Variants in LMF1 observed in about 807,000 individuals in gnomAD.
LMF1 encodes transmembrane protein 112.
A neutral mutation model predicts 60.6 loss-of-function variants in LMF1; 68 were observed. That is an observed-to-expected ratio of 1.12 (90% CI 0.92 to 1.37). The LOEUF is 1.37. Ranked by LOEUF, LMF1 falls within the 40% of genes most tolerant of loss-of-function variation. LMF1 has a pLI of 0.00. For missense variants in LMF1, 948 were observed against 767.2 expected, an observed-to-expected ratio of 1.24 and a Z score of -2.78; for synonymous variants, 418 against 324.7, an observed-to-expected ratio of 1.29 and a Z score of -3.09.
chr16:894,309 C>G (rs4984710), intron 4 of LMF1, among the ~76,000 whole-genome samples: 3 of 39,888 alleles, frequency 7.5e-5, no homozygotes, highest in African/African-American at 1.2e-4. Context: ...CCCCTGTCCA[C>G]CGGATCGTCC....
In LMF1 at chr16:874,637, GC is replaced by G. The variant is rs1388984114; in HGVS notation, c.898-3297del. Among the ~76,000 whole-genome samples, 3 of 152,142 alleles carry G rather than the reference GC, an allele frequency of 2.0e-5. No individual in the cohort carries two copies. Among genetic ancestry groups the G allele is most frequent in the African/African-American group, 7.2e-5 (3 of 41,430 alleles). On this transcript the variant is annotated intron_variant, in intron 6 of 10. Transcript: ENST00000262301. This position sits in a 1 kb window ranked among gnomAD's most constrained non-coding sequence, Gnocchi z 4.1. ...TGGGAGGAGGGAGGCTGCTCATGCC[GC>G]AACTCCCCAACGGAAGGATCACGGG... is the stretch of plus-strand genomic sequence containing the variant.
At chr16:882,768 C>T (rs181771033) in intron 5 of LMF1, among the ~76,000 whole-genome samples, 112 of 147,412 alleles carry the variant, frequency 7.6e-4, no homozygotes, top group African/African-American at 2.7e-3. Context: ...GAGGAGCTGC[C>T]CAGCGGGGCC....
In LMF1 at chr16:962,562, T is replaced by C. The variant is rs916789875; in HGVS notation, c.194-7896A>G. ...TGTGACGGGAAGGGCCCCGCACCTC[T>C]GTGGGCGTCTTCCCAAAACCCATCA... On this transcript the variant is annotated intron_variant, in intron 1 of 10. Coordinates refer to ENST00000262301, the MANE Select transcript of LMF1 (RefSeq NM_022773.4). The surrounding 1 kb of genome is among the most constrained non-coding windows in gnomAD (Gnocchi z 4.5). Among the ~76,000 whole-genome samples the C allele has an allele frequency of 2.0e-5, 3 of 152,184 alleles. No homozygotes were observed. Among genetic ancestry groups the C allele is most frequent in the Non-Finnish European group, 4.4e-5 (3 of 68,034 alleles).
At chr16:925,607 T>C in intron 3 of LMF1, among the ~76,000 whole-genome samples, 1 of 152,150 alleles carries the variant, frequency 6.6e-6, no homozygotes, top group Non-Finnish European at 1.5e-5. Context: ...TGGTGGTTCA[T>C]GCCTGTGGTC....
At chr16:869,756 G>A (rs903066683) in intron 9 of LMF1, 127 bp downstream of exon 9, 10 of 996,414 alleles carry the variant, frequency 1.0e-5, no homozygotes, top group Middle Eastern at 3.0e-4. Context: ...GCTCAGGCAG[G>A]ATCCCATCTC....
chr16:897,409 C>T lies in LMF1; in HGVS notation c.664-4337G>A, dbSNP rs922933173. On this transcript the variant is annotated intron_variant, in intron 4 of 10. Transcript: ENST00000262301. This position sits in a 1 kb window ranked among gnomAD's most constrained non-coding sequence, Gnocchi z 4.3. ...GCTAACGTGGTGTTTGAGGAGGGGG[C>T]GCCGCCAGGCCTCCCTCCGAGCCAC... Among the ~76,000 whole-genome samples, 89 of 152,252 alleles carry T rather than the reference C, an allele frequency of 5.8e-4. No homozygotes were observed. Among genetic ancestry groups the T allele is most frequent in the East Asian group, 1.9e-4 (1 of 5,178 alleles).
chr16:891,127 T>A (rs1027914082), intron 5 of LMF1, among the ~76,000 whole-genome samples: 2 of 152,222 alleles, frequency 1.3e-5, no homozygotes, highest in Non-Finnish European at 2.9e-5. Context: ...GCTGGCCACG[T>A]GGACACAGGG....
Position 879,738 on chromosome 16 carries a change from C to G in LMF1, c.730-1G>C. 1 of 1,579,856 alleles carries G rather than the reference C, an allele frequency of 6.3e-7. No individual in the cohort carries two copies. The highest frequency in any genetic ancestry group is 8.6e-7 in the Non-Finnish European group (1 of 1,163,414). On this transcript the variant is annotated splice_acceptor_variant, in intron 5 of 10. Coordinates refer to ENST00000262301, the MANE Select transcript of LMF1 (RefSeq NM_022773.4). LOFTEE classifies it high-confidence loss of function. Reference sequence around the variant, plus strand: ...CCACAGGATTGGGCATCGGCTGGGTCTGCAGGGACAGGAGGGGCCGTGAGG... The same window carrying G: ...CCACAGGATTGGGCATCGGCTGGGTGTGCAGGGACAGGAGGGGCCGTGAGG...
At chr16:913,336 C>T (rs1447600251) in intron 3 of LMF1, among the ~76,000 whole-genome samples, 5 of 152,362 alleles carry the variant, frequency 3.3e-5, no homozygotes, top group Non-Finnish European at 7.4e-5. Flanking sequence ...TTCACTTCCA[C>T]GGCCGCTGCT....
chr16:894,745 T>A (rs1393824767), intron 4 of LMF1, among the ~76,000 whole-genome samples: 1 of 152,118 alleles, frequency 6.6e-6, no homozygotes, highest in African/African-American at 2.4e-5. Context: ...GGGAAGAGGG[T>A]GAGGGTCTCT....
chr16:941,896 A>G (rs930877646), intron 2 of LMF1, among the ~76,000 whole-genome samples: 1 of 152,228 alleles, frequency 6.6e-6, no homozygotes, highest in African/African-American at 2.4e-5. Context: ...ATATTACAGT[A>G]TTACAGTTTT....
chr16:973,876 G>C (rs1444794480), upstream of LMF1, among the ~76,000 whole-genome samples: 1 of 152,140 alleles, frequency 6.6e-6, no homozygotes, highest in Non-Finnish European at 1.5e-5. Flanking sequence ...CGGGCATGGT[G>C]GCGGGCGCCT....
chr16:933,616 A>T (rs1235134044), intron 3 of LMF1: 1 of 189,132 alleles, frequency 5.3e-6, no homozygotes, highest in African/African-American at 2.7e-5. Flanking sequence ...GGTCATGGAG[A>T]AAGGCAGGGG....
chr16:972,479 C>T (rs536501781), upstream of LMF1, among the ~76,000 whole-genome samples: 6 of 152,324 alleles, frequency 3.9e-5, no homozygotes, highest in South Asian at 8.3e-4. Flanking sequence ...TCCTCGTGAC[C>T]TGGGGGCCAG....
In LMF1 at chr16:871,152, G is replaced by A. The variant is rs1474459866; in HGVS notation, c.1078+9C>T. On this transcript the variant is annotated intron_variant, in intron 7 of 10. Coordinates refer to ENST00000262301, the MANE Select transcript of LMF1 (RefSeq NM_022773.4). Reference sequence around the variant, plus strand: ...CCCTTGGGCAGGGGCCCCCAGCTGAGCCACCTACCGAATCTGGGCTCGGGC... The same window carrying A: ...CCCTTGGGCAGGGGCCCCCAGCTGAACCACCTACCGAATCTGGGCTCGGGC... 1.3e-6 allele frequency: 2 copies of A among 1,572,322 alleles called. No homozygotes were observed.
rs559653152 is a variant in LMF1, at chr16:878,736, G to C, written c.897+834C>G. On this transcript the variant is annotated intron_variant, in intron 6 of 10. Transcript: ENST00000262301. The surrounding 1 kb of genome is among the most constrained non-coding windows in gnomAD (Gnocchi z 5.2). The stretch of plus-strand genomic sequence containing the variant: ...TGCTCTGGCAGGGGTGGGCAGGGCA[G>C]GGGAAGGGCGGGGGCAGGGGCGGGC... Among the ~76,000 whole-genome samples, 4 of 150,526 alleles carry C rather than the reference G, an allele frequency of 2.7e-5. No individual in the cohort carries two copies. Among genetic ancestry groups the C allele is most frequent in the Admixed American group, 2.6e-4 (4 of 15,196 alleles).
At chr16:925,476 C>T (rs1289602319) in intron 3 of LMF1, among the ~76,000 whole-genome samples, 1 of 152,108 alleles carries the variant, frequency 6.6e-6, no homozygotes, top group East Asian at 1.9e-4. Flanking sequence ...CTGTAATCCC[C>T]TAAAGCACTT....
intron 2 of LMF1, among the ~76,000 whole-genome samples, chr16:951,452 G>A (rs945773197): frequency 6.6e-6 from 1 of 152,200 alleles, no homozygotes; most frequent in Admixed American, 6.5e-5. Context: ...GTCCTGCAAG[G>A]CTGCGTGGCT....
rs1009306396 is a variant in LMF1 at position 934,072 on chromosome 16, G to A, written c.514+172C>T. On this transcript the variant is annotated intron_variant, in intron 3 of 10. Transcript: ENST00000262301. Reference sequence around the variant, plus strand: ...GGAAGCCCAGGAGCTCCCACATCCAGGGAGGAGGCACGGATCAGATCACAA... The same window carrying A: ...GGAAGCCCAGGAGCTCCCACATCCAAGGAGGAGGCACGGATCAGATCACAA... 4.6e-6 allele frequency: 7 copies of A among 1,518,644 alleles called. No individual in the cohort carries two copies. The African/African-American group carries it at 5.5e-5, about 12-fold the overall frequency. 94.1% of individuals were successfully genotyped at this position (1,518,644 alleles called of 1,614,324 possible).
Sources: allele counts gnomAD v4.1 joint callset (sites outside exome capture counted in the v4.1 genomes callset), GRCh38; gene constraint gnomAD v4.1.1; non-coding constraint Gnocchi (gnomAD v3.1); transcripts MANE v1.5; gene names NCBI Gene and HGNC (gene_info 2026-07-23, HGNC 2026-07-21).